CYTH4: variants seen among roughly 807,000 people sequenced by gnomAD.
The protein encoded by CYTH4 is cytohesin 4.
Under a neutral mutation model 57.5 loss-of-function variants are expected in CYTH4, and 22 were observed. The ratio of observed to expected loss-of-function variants is 0.38; its 90% CI spans 0.27 to 0.55. The LOEUF (loss-of-function observed/expected upper bound fraction) is 0.55. Ranked by LOEUF, CYTH4 falls within the 20% of genes least tolerant of loss-of-function variation. The pLI, the probability that CYTH4 is intolerant of heterozygous loss-of-function variation, is 0.74. For missense variants in CYTH4, 420 were observed against 535.6 expected (o/e 0.78, Z 2.13); for synonymous variants, 186 against 206.5 (o/e 0.90, Z 0.85).
intron 8 of CYTH4, chr22:37,304,091 C>A: frequency 2.3e-6 from 1 of 442,806 alleles, no homozygotes; most frequent in Non-Finnish European, 4.6e-6. Flanking sequence ...GTCACTGCGG[C>A]TGTCATTGCT....
chr22:37,313,590 C>A lies in CYTH4; in HGVS notation c.*79C>A. ...AGCACCTGGAGACCCACCTCCCACC[C>A]CAGTGCACTCTTTTGGGCCACAGAC... On this transcript the variant is annotated 3_prime_UTR_variant, in exon 13 of 13. Coordinates refer to ENST00000248901, the MANE Select transcript of CYTH4 (RefSeq NM_013385.5). The A allele has an allele frequency of 7.8e-7, 1 of 1,281,082 alleles. No homozygotes were observed. The highest frequency in any genetic ancestry group is 1.1e-6 in the Non-Finnish European group (1 of 880,858). The allele number at this position is 1,281,082 out of a possible 1,614,324, so 79.4% of individuals were successfully genotyped here.
intron 9 of CYTH4, among the ~76,000 whole-genome samples, chr22:37,310,218 C>T (rs997700483): frequency 6.6e-6 from 1 of 152,130 alleles, no homozygotes; most frequent in Admixed American, 6.5e-5. Flanking sequence ...CACTCGGCCG[C>T]CTGTCCTGCC....
intron 4 of CYTH4, among the ~76,000 whole-genome samples, chr22:37,296,917 C>T (rs971454204): frequency 6.6e-6 from 1 of 152,200 alleles, no homozygotes; most frequent in Admixed American, 6.5e-5. Flanking sequence ...GAGACCAACC[C>T]CTCCAACTCC....
intron 8 of CYTH4, chr22:37,304,226 G>T (rs1195488556): frequency 2.2e-6 from 1 of 456,614 alleles, no homozygotes; most frequent in Non-Finnish European, 4.4e-6. Context: ...TCAAAAAGAA[G>T]AAGTGGCCAG....
intron 8 of CYTH4, among the ~76,000 whole-genome samples, chr22:37,305,088 C>G (rs960432006): frequency 3.9e-5 from 6 of 152,138 alleles, no homozygotes; most frequent in African/African-American, 1.4e-4. Flanking sequence ...TGGTGCTATG[C>G]GGGCACACCT....
At chr22:37,284,023 T>C (rs1029782499) in intron 1 of CYTH4, among the ~76,000 whole-genome samples, 3 of 151,760 alleles carry the variant, frequency 2.0e-5, no homozygotes, top group Non-Finnish European at 2.9e-5. Context: ...CTCCCAGAGG[T>C]GAACTAGAGA....
Position 37,313,452 on chromosome 22 carries a change from C to T in CYTH4, c.1126C>T (p.Arg376Cys), listed in dbSNP as rs202179143. 2.9e-5 allele frequency: 47 copies of T among 1,614,144 alleles called. No homozygotes were observed. In the African/African-American group the frequency reaches 3.3e-4, roughly 11 times the overall value. The change falls in exon 13 of 13, where the codon CGT becomes TGT. Residue 376 changes from arginine (R) to cysteine (C), a missense_variant. By Grantham distance (180) the Arg-to-Cys change is radical. Transcript: ENST00000248901. Reference sequence around the variant, plus strand: ...CACTCATTCTAGAGCCAGCATCACCCGTGTCCCCTTCTACGACCTGGTCTC... The same window carrying T: ...CACTCATTCTAGAGCCAGCATCACCTGTGTCCCCTTCTACGACCTGGTCTC... ...WIESIRASITRVPFYDLVSTR... is the reference protein window; with the variant it reads ...WIESIRASITCVPFYDLVSTR...
At chr22:37,291,605 TG>T (rs1219425471) in intron 1 of CYTH4, among the ~76,000 whole-genome samples, 1 of 152,166 alleles carries the variant, frequency 6.6e-6, no homozygotes, top group Non-Finnish European at 1.5e-5. Flanking sequence ...GCTGGCAGGC[TG>T]GACTGGCAGG....
chr22:37,311,072 G>C lies in CYTH4; in HGVS notation c.885+8G>C. On this transcript the variant is annotated splice_region_variant and intron_variant, in intron 10 of 12. Coordinates refer to ENST00000248901, the MANE Select transcript of CYTH4 (RefSeq NM_013385.5). This position sits in a 1 kb window ranked among gnomAD's most constrained non-coding sequence, Gnocchi z 4.4. ...TACTTCGAGTTCACCACTGTGAGCA[G>C]GGTTCTCCTGGGCCTTCCCCTGCCC... 1.2e-6 allele frequency: 2 copies of C among 1,614,072 alleles called. No homozygotes were observed. The highest frequency in any genetic ancestry group is 2.2e-5 in the South Asian group (2 of 91,080).
At chr22:37,306,693 C>T (rs367795127) in intron 8 of CYTH4, among the ~76,000 whole-genome samples, 114 of 152,344 alleles carry the variant, frequency 7.5e-4, no homozygotes, top group African/African-American at 2.6e-3. Context: ...ATCCAGGTGC[C>T]CAGTGACATC....
At chr22:37,306,873 G>A (rs928942094) in intron 8 of CYTH4, among the ~76,000 whole-genome samples, 1 of 152,240 alleles carries the variant, frequency 6.6e-6, no homozygotes, top group Non-Finnish European at 1.5e-5. Flanking sequence ...CTTATTGGCT[G>A]GCTTGGGCCT....
At chr22:37,305,381 G>A (rs1929357126) in intron 8 of CYTH4, among the ~76,000 whole-genome samples, 1 of 152,164 alleles carries the variant, frequency 6.6e-6, no homozygotes, top group Non-Finnish European at 1.5e-5. Flanking sequence ...CAGAGAGGCA[G>A]ACACAGACTA....
chr22:37,295,099 G>A lies in CYTH4; in HGVS notation c.167+375G>A, dbSNP rs55750874. ...AGCCCAGGGCCCCAGGAGGACAGGA[G>A]CCTGGCCCTACCCCACCCCACTCAC... On this transcript the variant is annotated intron_variant, in intron 3 of 12. Transcript: ENST00000248901. This position sits in a 1 kb window ranked among gnomAD's most constrained non-coding sequence, Gnocchi z 4.1. Among the ~76,000 whole-genome samples the A allele has an allele frequency of 8.9e-3, 1,352 of 152,244 alleles. 10 individuals carry two copies. The highest frequency in any genetic ancestry group is 0.014 in the Middle Eastern group (4 of 294).
At chr22:37,284,380 GA>G (rs1469136121) in intron 1 of CYTH4, among the ~76,000 whole-genome samples, 1 of 152,150 alleles carries the variant, frequency 6.6e-6, no homozygotes, top group Non-Finnish European at 1.5e-5. Context: ...GCAGGACCCT[GA>G]CCCAGCTGTG....
intron 1 of CYTH4, among the ~76,000 whole-genome samples, chr22:37,290,741 C>T (rs185114862): frequency 3.6e-3 from 547 of 152,316 alleles, no homozygotes; most frequent in African/African-American, 0.013. Context: ...ATCTCCTGAC[C>T]TCGTGACCCG....
In CYTH4 at chr22:37,295,522, CCTCA is replaced by C. The variant is rs1238958227; in HGVS notation, c.168-474_168-471del. 6.6e-6 allele frequency among the ~76,000 whole-genome samples: 1 copy of C among 152,202 alleles called. No individual in the cohort carries two copies. Among genetic ancestry groups the C allele is most frequent in the Non-Finnish European group, 1.5e-5 (1 of 68,040 alleles). On this transcript the variant is annotated intron_variant, in intron 3 of 12. Coordinates refer to ENST00000248901, the MANE Select transcript of CYTH4 (RefSeq NM_013385.5). The surrounding 1 kb of genome is among the most constrained non-coding windows in gnomAD (Gnocchi z 4.1). ...ACAATGACAACATAACACACCTACG[CCTCA>C]CTGTTTTAGGTGCTTTAACCTCTCA...
At chr22:37,283,909 A>AC in intron 1 of CYTH4, among the ~76,000 whole-genome samples, 2 of 151,876 alleles carry the variant, frequency 1.3e-5, no homozygotes, top group South Asian at 4.2e-4. Context: ...CCGAGATGCA[A>AC]CCCCCCTGCC....
Position 37,298,611 on chromosome 22 carries a change from G to C in CYTH4, c.354-615G>C, listed in dbSNP as rs1405935724. Among the ~76,000 whole-genome samples the C allele has an allele frequency of 6.6e-6, 1 of 152,118 alleles. No homozygotes were observed. Among genetic ancestry groups the C allele is most frequent in the Non-Finnish European group, 1.5e-5 (1 of 68,018 alleles). ...ACAGGCTCAAGAATCTAGACTGGACGGGAGGAGAGAGGAAGGATATTGTGG... is the reference window on the plus strand; with the variant it reads ...ACAGGCTCAAGAATCTAGACTGGACCGGAGGAGAGAGGAAGGATATTGTGG... On this transcript the variant is annotated intron_variant, in intron 5 of 12. Transcript: ENST00000248901. This position sits in a 1 kb window ranked among gnomAD's most constrained non-coding sequence, Gnocchi z 4.1.
At chr22:37,309,916 C>A in intron 9 of CYTH4, 1 of 434,166 alleles carries the variant, frequency 2.3e-6, no homozygotes, top group South Asian at 1.7e-5. Flanking sequence ...GTAATAGTGG[C>A]TGTAGAGTCC....
Sources: allele counts gnomAD v4.1 joint callset (sites outside exome capture counted in the v4.1 genomes callset), GRCh38; gene constraint gnomAD v4.1.1; non-coding constraint Gnocchi (gnomAD v3.1); transcripts MANE v1.5; gene names NCBI Gene and HGNC (gene_info 2026-07-23, HGNC 2026-07-21).